Variants in OXR1 observed in about 807,000 individuals in gnomAD.
The protein encoded by OXR1 is oxidation resistance 1.
In OXR1, 41 loss-of-function variants were observed where a neutral mutation model predicts 104.6. That is an observed-to-expected ratio of 0.39 (90% CI 0.31 to 0.51). The LOEUF (loss-of-function observed/expected upper bound fraction) is 0.51, where lower values mean the gene tolerates loss of function less well. Among genes scored for constraint, OXR1 ranks in the 20% least tolerant of loss-of-function variants. The probability of loss-of-function intolerance (pLI) is 0.77; values close to 1 mark genes in which losing one functional copy is unlikely to be tolerated. For missense variants in OXR1, 955 were observed against 1,031.9 expected (o/e 0.93, Z 1.02); for synonymous variants, 348 against 348.4 (o/e 1.00, Z 0.01).
Position 106,420,589 on chromosome 8 carries a change from AAATATAT to A in OXR1, c.23+60965_23+60971del, listed in dbSNP as rs141020876. Among the ~76,000 whole-genome samples, 594 of 151,974 alleles carry A rather than the reference AAATATAT, an allele frequency of 3.9e-3. 5 individuals carry two copies. The highest frequency in any genetic ancestry group is 0.013 in the African/African-American group (553 of 41,536). ...ATTTCTTGATAAAATATTTGGTATT[AAATATAT>A]AATATATAATACCTAAAATAGCTTA... On this transcript the variant is annotated intron_variant, in intron 2 of 16. Transcript: ENST00000517566.
intron 1 of OXR1, chr8:106,272,010 C>G (rs1400063202): frequency 1.3e-5 from 2 of 152,180 alleles, no homozygotes; most frequent in African/African-American, 4.8e-5. Flanking sequence ...CTCCAAAAGG[C>G]CAGCGGGGCC....
chr8:106,316,444 A>G (rs1219950883), intron 1 of OXR1, among the ~76,000 whole-genome samples: 1 of 152,016 alleles, frequency 6.6e-6, no homozygotes, highest in Middle Eastern at 3.2e-3. Context: ...ACCTCATTAC[A>G]TTTTGCATTT....
intron 3 of OXR1, chr8:106,581,068 T>C (rs1367318363): frequency 2.0e-5 from 24 of 1,186,212 alleles, no homozygotes; most frequent in Non-Finnish European, 2.4e-5. Flanking sequence ...CTCACTTCAA[T>C]AGTCTGCTAA....
At chr8:106,580,304 T>A (rs1375843920) in intron 3 of OXR1, among the ~76,000 whole-genome samples, 1 of 152,206 alleles carries the variant, frequency 6.6e-6, no homozygotes, top group Non-Finnish European at 1.5e-5. Flanking sequence ...TTTCTATACC[T>A]AAGAAAAGTA....
chr8:106,493,005 T>C (rs998404674), intron 2 of OXR1, among the ~76,000 whole-genome samples: 4 of 152,186 alleles, frequency 2.6e-5, no homozygotes, highest in Non-Finnish European at 5.9e-5. Context: ...TGTAGTTATA[T>C]GTACAGAAGT....
intron 3 of OXR1, among the ~76,000 whole-genome samples, chr8:106,537,108 C>G (rs547474917): frequency 6.6e-6 from 1 of 151,958 alleles, no homozygotes; most frequent in African/African-American, 2.4e-5. Flanking sequence ...TCCTTGTATC[C>G]TCATGTCTTT....
chr8:106,579,085 G>T (rs1161230204), intron 3 of OXR1, among the ~76,000 whole-genome samples: 4 of 145,618 alleles, frequency 2.7e-5, no homozygotes, highest in African/African-American at 1.0e-4. Context: ...ATTCTTGACT[G>T]TCTCCTTTTT....
chr8:106,466,822 A>G (rs1213356778), intron 2 of OXR1, among the ~76,000 whole-genome samples: 1 of 151,946 alleles, frequency 6.6e-6, no homozygotes, highest in African/African-American at 2.4e-5. Flanking sequence ...ATACATGTAA[A>G]TATATGCAAA....
At chr8:106,705,839 A>G (rs1023189697) in intron 8 of OXR1, among the ~76,000 whole-genome samples, 3 of 152,024 alleles carry the variant, frequency 2.0e-5, no homozygotes, top group South Asian at 2.1e-4. Context: ...GATTTTCTCT[A>G]TATACTTTTG....
intron 1 of OXR1, among the ~76,000 whole-genome samples, chr8:106,298,923 ATGTG>A (rs36103627): frequency 3.3e-5 from 5 of 150,160 alleles, no homozygotes; most frequent in Admixed American, 6.6e-5. Flanking sequence ...TTATATATAT[ATGTG>A]TGTGTGTGTG....
chr8:106,296,706 A>G (rs375105090), intron 1 of OXR1, among the ~76,000 whole-genome samples: 11 of 152,318 alleles, frequency 7.2e-5, no homozygotes, highest in African/African-American at 2.4e-4. Context: ...TCTGGCTGTC[A>G]TGCTCTCCTT....
chr8:106,476,598 C>G (rs1821823670), intron 2 of OXR1, among the ~76,000 whole-genome samples: 2 of 151,896 alleles, frequency 1.3e-5, no homozygotes, highest in Non-Finnish European at 1.5e-5. Context: ...ATTTTTCCCC[C>G]CAGAATAGGG....
intron 2 of OXR1, among the ~76,000 whole-genome samples, chr8:106,412,705 C>A (rs1447137405): frequency 6.6e-6 from 1 of 152,048 alleles, no homozygotes; most frequent in Admixed American, 6.6e-5. Context: ...TTATTGGCTG[C>A]GAGCAGACTG....
At chr8:106,321,524 C>T (rs1218931179) in intron 1 of OXR1, among the ~76,000 whole-genome samples, 1 of 152,054 alleles carries the variant, frequency 6.6e-6, no homozygotes, top group Non-Finnish European at 1.5e-5. Context: ...CCAAACAGCC[C>T]TACATTTGAC....
intron 7 of OXR1, among the ~76,000 whole-genome samples, chr8:106,702,119 G>A (rs1830634895): frequency 6.6e-6 from 1 of 152,150 alleles, no homozygotes; most frequent in African/African-American, 2.4e-5. Flanking sequence ...ACAGGCACAT[G>A]CCACCAGGCC....
chr8:106,657,203 G>C (rs1825170799), intron 3 of OXR1, among the ~76,000 whole-genome samples: 1 of 151,910 alleles, frequency 6.6e-6, no homozygotes, highest in Non-Finnish European at 1.5e-5. Context: ...TGGGATCATA[G>C]AATGTCCAAC....
chr8:106,607,849 T>C (rs1820520495), intron 3 of OXR1, among the ~76,000 whole-genome samples: 1 of 151,938 alleles, frequency 6.6e-6, no homozygotes, highest in Non-Finnish European at 1.5e-5. Context: ...AACTGGGACA[T>C]AGAGAACTTT....
chr8:106,663,800 A>G (rs1474817299), intron 3 of OXR1, among the ~76,000 whole-genome samples: 5 of 152,126 alleles, frequency 3.3e-5, no homozygotes, highest in Non-Finnish European at 2.9e-5. Context: ...TTGAGAAGCC[A>G]TCTCTCTCCC....
At chr8:106,595,175 A>G (rs528447232) in intron 3 of OXR1, among the ~76,000 whole-genome samples, 2 of 152,212 alleles carry the variant, frequency 1.3e-5, no homozygotes, top group Admixed American at 6.5e-5. Context: ...AGAAAGAAGC[A>G]TGCACAGAAC....
Sources: allele counts gnomAD v4.1 joint callset (sites outside exome capture counted in the v4.1 genomes callset), GRCh38; gene constraint gnomAD v4.1.1; transcripts MANE v1.5; gene names NCBI Gene and HGNC (gene_info 2026-07-23, HGNC 2026-07-21).